Variants in CSMD1 observed in about 807,000 individuals in gnomAD.
The protein encoded by CSMD1 is CUB and Sushi multiple domains 1, also known as CUB and sushi domain-containing protein 1.
Under a neutral mutation model 417.5 loss-of-function variants are expected in CSMD1, and 213 were observed. The ratio of observed to expected loss-of-function variants is 0.51; its 90% CI spans 0.46 to 0.57. The LOEUF is 0.57. Among genes scored for constraint, CSMD1 ranks in the 20% least tolerant of loss-of-function variants. The pLI is 0.00. For missense variants in CSMD1, 6,923 were observed against 4,529.7 expected, an observed-to-expected ratio of 1.53 and a Z score of -15.17; for synonymous variants, 2,862 against 1,736.8, an observed-to-expected ratio of 1.65 and a Z score of -16.11.
At chr8:4,499,691 A>C (rs1802157150) in intron 2 of CSMD1, among the ~76,000 whole-genome samples, 1 of 152,252 alleles carries the variant, frequency 6.6e-6, no homozygotes, top group Non-Finnish European at 1.5e-5. Context: ...AATAACTTTA[A>C]TAAATGCATT....
chr8:4,490,627 A>G (rs1801651116), intron 2 of CSMD1, among the ~76,000 whole-genome samples: 1 of 152,132 alleles, frequency 6.6e-6, no homozygotes, highest in Non-Finnish European at 1.5e-5. Flanking sequence ...AAATCAGGAG[A>G]GGGAAAAATG....
intron 3 of CSMD1, among the ~76,000 whole-genome samples, chr8:4,216,596 G>A (rs954171694): frequency 6.6e-6 from 1 of 152,190 alleles, no homozygotes; most frequent in Non-Finnish European, 1.5e-5. Flanking sequence ...CAGATGGAAG[G>A]TGCTGAGGAC....
intron 3 of CSMD1, among the ~76,000 whole-genome samples, chr8:4,373,152 A>C (rs1802502025): frequency 6.6e-6 from 1 of 152,170 alleles, no homozygotes. Context: ...CCTAGGGAGG[A>C]GCAACCCATG....
intron 1 of CSMD1, among the ~76,000 whole-genome samples, chr8:4,709,249 G>A (rs186441479): frequency 1.7e-4 from 26 of 152,302 alleles, no homozygotes; most frequent in African/African-American, 5.8e-4. Context: ...AGACTGGTGT[G>A]GGGAGTAGAG....
chr8:3,422,413 A>G (rs1472347523), intron 12 of CSMD1, among the ~76,000 whole-genome samples: 3 of 152,176 alleles, frequency 2.0e-5, no homozygotes, highest in Non-Finnish European at 2.9e-5. Context: ...TCTTCCACTC[A>G]CTTTTCCCAA....
chr8:3,624,561 A>T (rs1796403452), intron 7 of CSMD1, among the ~76,000 whole-genome samples: 1 of 152,212 alleles, frequency 6.6e-6, no homozygotes, highest in South Asian at 2.1e-4. Flanking sequence ...GTTTTGAGAC[A>T]AACTGTAACC....
intron 2 of CSMD1, among the ~76,000 whole-genome samples, chr8:4,444,346 CAAAAAAA>C (rs112028005): frequency 3.0e-4 from 14 of 46,274 alleles, no homozygotes; most frequent in African/African-American, 8.5e-4. Flanking sequence ...GACTCCATCT[CAAAAAAA>C]AAAAAAAAAA....
intron 3 of CSMD1, among the ~76,000 whole-genome samples, chr8:4,070,582 C>G (rs569690406): frequency 1.2e-4 from 18 of 152,264 alleles, no homozygotes; most frequent in African/African-American, 3.8e-4. Flanking sequence ...TGGTCTCGTT[C>G]TCCTGACCTC....
intron 3 of CSMD1, among the ~76,000 whole-genome samples, chr8:4,340,159 T>G (rs1468121445): frequency 6.6e-6 from 1 of 152,124 alleles, no homozygotes; most frequent in Non-Finnish European, 1.5e-5. Context: ...ATGTTCTATT[T>G]TCTTGATACC....
chr8:4,916,409 C>A (rs528335531), intron 1 of CSMD1, among the ~76,000 whole-genome samples: 1 of 152,214 alleles, frequency 6.6e-6, no homozygotes, highest in African/African-American at 2.4e-5. Context: ...AACACATATG[C>A]ACATATAAAT....
At chr8:3,249,916 G>C (rs1436004166) in intron 26 of CSMD1, among the ~76,000 whole-genome samples, 1 of 152,084 alleles carries the variant, frequency 6.6e-6, no homozygotes, top group Non-Finnish European at 1.5e-5. Flanking sequence ...CTAAATTATA[G>C]ACATGAAATA....
chr8:4,217,454 T>C (rs75857944), intron 3 of CSMD1, among the ~76,000 whole-genome samples: 1,657 of 152,280 alleles, frequency 0.011, 24 homozygotes, highest in African/African-American at 0.037. Context: ...ATACCATAGC[T>C]ATACACAGTG....
intron 3 of CSMD1, among the ~76,000 whole-genome samples, chr8:4,201,131 A>C (rs918398533): frequency 4.6e-5 from 7 of 152,218 alleles, no homozygotes; most frequent in African/African-American, 1.7e-4. Flanking sequence ...TATCAATTAC[A>C]GATACCTTTG....
intron 2 of CSMD1, among the ~76,000 whole-genome samples, chr8:4,567,527 T>G (rs1798670883): frequency 3.9e-5 from 6 of 152,184 alleles, no homozygotes; most frequent in Admixed American, 3.3e-4. Context: ...GCAGGTAGAC[T>G]GTGAAAACAG....
intron 1 of CSMD1, among the ~76,000 whole-genome samples, chr8:4,727,400 A>G (rs147845338): frequency 1.9e-4 from 29 of 152,226 alleles, no homozygotes; most frequent in African/African-American, 2.7e-4. Flanking sequence ...GGAAAACTCC[A>G]TAAGTGCACT....
intron 1 of CSMD1, among the ~76,000 whole-genome samples, chr8:4,956,241 C>T (rs1276913264): frequency 7.2e-6 from 1 of 138,446 alleles, no homozygotes; most frequent in African/African-American, 2.7e-5. Flanking sequence ...GCCCTCCTTA[C>T]TCGCTATTTT....
intron 25 of CSMD1, among the ~76,000 whole-genome samples, chr8:3,294,221 C>G (rs1309652441): frequency 3.3e-5 from 4 of 120,380 alleles, no homozygotes; most frequent in Admixed American, 8.5e-5. Context: ...TGTGAGGTGT[C>G]TGTTGGCCCC....
At chr8:4,670,185 T>G (rs555761060) in intron 1 of CSMD1, among the ~76,000 whole-genome samples, 54 of 152,264 alleles carry the variant, frequency 3.5e-4, no homozygotes, top group Non-Finnish European at 5.9e-4. Flanking sequence ...CAAACTAAAG[T>G]CCCTCCATGT....
chr8:2,953,912 C>G (rs1263546741), intron 65 of CSMD1, among the ~76,000 whole-genome samples: 2 of 152,206 alleles, frequency 1.3e-5, no homozygotes, highest in African/African-American at 4.8e-5. Context: ...ATAAGGCTCT[C>G]CATTATACCA....
Sources: gnomAD v4.1 joint callset for allele counts (sites outside exome capture counted in the v4.1 genomes callset) on GRCh38, gnomAD v4.1.1 for gene constraint, MANE v1.5 for transcripts, NCBI Gene and HGNC (gene_info 2026-07-23, HGNC 2026-07-21) for gene names.